Variants in CACNA2D3 observed in about 807,000 individuals in gnomAD.
The protein encoded by CACNA2D3 is calcium voltage-gated channel auxiliary subunit alpha2delta 3.
Under a neutral mutation model 160.6 loss-of-function variants are expected in CACNA2D3, and 60 were observed. The observed-to-expected ratio is 0.37, with a 90% confidence interval of 0.30 to 0.46. The LOEUF is 0.46. Ranked by LOEUF, CACNA2D3 falls within the 20% of genes least tolerant of loss-of-function variation. CACNA2D3 has a pLI of 1.00. For synonymous variants in CACNA2D3, 558 were observed against 492.9 expected, an observed-to-expected ratio of 1.13 and a Z score of -1.75; for missense variants, 1,205 against 1,365.0, an observed-to-expected ratio of 0.88 and a Z score of 1.85.
At chr3:54,744,426 G>T (rs1414035395) in intron 11 of CACNA2D3, among the ~76,000 whole-genome samples, 2 of 152,228 alleles carry the variant, frequency 1.3e-5, no homozygotes, top group Non-Finnish European at 1.5e-5. Context: ...ATCTGAAATT[G>T]TGAGTGTATA....
At chr3:54,829,226 C>T (rs897035938) in intron 14 of CACNA2D3, among the ~76,000 whole-genome samples, 22 of 152,200 alleles carry the variant, frequency 1.4e-4, no homozygotes, top group African/African-American at 4.8e-4. Flanking sequence ...TGTGTTCTTC[C>T]TCCAAAAGGT....
At chr3:54,715,651 C>T (rs1052277117) in intron 11 of CACNA2D3, among the ~76,000 whole-genome samples, 1 of 152,080 alleles carries the variant, frequency 6.6e-6, no homozygotes, top group Non-Finnish European at 1.5e-5. Flanking sequence ...ATACAAAAGA[C>T]ACTCCTATCA....
chr3:54,124,380 T>A (rs1167695480), intron 2 of CACNA2D3, among the ~76,000 whole-genome samples: 1 of 152,144 alleles, frequency 6.6e-6, no homozygotes, highest in Non-Finnish European at 1.5e-5. Flanking sequence ...AAAATGGGTC[T>A]GGGAGGAGAG....
chr3:54,946,574 G>A (rs1701619735), intron 27 of CACNA2D3, among the ~76,000 whole-genome samples: 1 of 152,158 alleles, frequency 6.6e-6, no homozygotes, highest in African/African-American at 2.4e-5. Context: ...ACTTAACGAA[G>A]AAGAGCAGGT....
chr3:54,256,164 GA>G (rs1254259188), intron 2 of CACNA2D3, among the ~76,000 whole-genome samples: 4 of 152,122 alleles, frequency 2.6e-5, no homozygotes. Context: ...TTTTCTGGGG[GA>G]CCTGAAATCT....
intron 11 of CACNA2D3, among the ~76,000 whole-genome samples, chr3:54,651,007 C>T (rs1273059632): frequency 6.6e-6 from 1 of 152,158 alleles, no homozygotes; most frequent in Non-Finnish European, 1.5e-5. Context: ...AGGCTACATT[C>T]AGGATTCCCT....
chr3:54,733,864 T>C (rs1701442150), intron 11 of CACNA2D3, among the ~76,000 whole-genome samples: 1 of 152,164 alleles, frequency 6.6e-6, no homozygotes, highest in African/African-American at 2.4e-5. Context: ...GTCGATTTAA[T>C]TTCATCAGTG....
At chr3:54,363,218 C>CAACA (rs2107543027) in intron 3 of CACNA2D3, among the ~76,000 whole-genome samples, 1 of 151,132 alleles carries the variant, frequency 6.6e-6, no homozygotes, top group East Asian at 2.0e-4. Flanking sequence ...TGAGAATGTG[C>CAACA]AACATCAATC....
At chr3:54,457,203 A>ACAATAAAT (rs1224609927) in intron 4 of CACNA2D3, among the ~76,000 whole-genome samples, 1 of 151,790 alleles carries the variant, frequency 6.6e-6, no homozygotes, top group Non-Finnish European at 1.5e-5. Context: ...TATTGTTATA[A>ACAATAAAT]ACTTCCCTCT....
At chr3:54,346,470 G>C (rs924851079) in intron 3 of CACNA2D3, among the ~76,000 whole-genome samples, 1 of 152,172 alleles carries the variant, frequency 6.6e-6, no homozygotes, top group Non-Finnish European at 1.5e-5. Flanking sequence ...CTGTGAATTT[G>C]TTTGACATGG....
At chr3:54,824,493 C>G (rs1331534124) in intron 14 of CACNA2D3, among the ~76,000 whole-genome samples, 1 of 152,160 alleles carries the variant, frequency 6.6e-6, no homozygotes, top group Non-Finnish European at 1.5e-5. Flanking sequence ...TGTGTAACCT[C>G]TGGTATTGCA....
chr3:54,584,183 G>A (rs1034390960), intron 9 of CACNA2D3, among the ~76,000 whole-genome samples: 1 of 151,912 alleles, frequency 6.6e-6, no homozygotes, highest in Non-Finnish European at 1.5e-5. Context: ...AAAATGCCAC[G>A]AACTGGGAAA....
At chr3:54,328,973 TG>T (rs1704182810) in intron 3 of CACNA2D3, among the ~76,000 whole-genome samples, 1 of 152,118 alleles carries the variant, frequency 6.6e-6, no homozygotes, top group African/African-American at 2.4e-5. Flanking sequence ...TCCCCACTAC[TG>T]TGGGAGAAAG....
intron 2 of CACNA2D3, among the ~76,000 whole-genome samples, chr3:54,295,801 C>T (rs370792990): frequency 5.3e-5 from 8 of 152,108 alleles, no homozygotes; most frequent in African/African-American, 1.7e-4. Flanking sequence ...GTGAGGGATC[C>T]GTAGCTTTCT....
rs79668344 is a variant in CACNA2D3, at chr3:54,618,854, G to T, written c.964-8933G>T. On this transcript the variant is annotated intron_variant, in intron 9 of 37. Coordinates refer to ENST00000474759, the MANE Select transcript of CACNA2D3 (RefSeq NM_018398.3). ...CCCCCTGGGTGTTGGCTATCAATAC[G>T]TACCTCTTCTGAGCTGAGGCATCCT... 1.4e-3 allele frequency among the ~76,000 whole-genome samples: 209 copies of T among 152,262 alleles called. 6 individuals carry two copies. The East Asian group carries it at 0.033, about 24-fold the overall frequency.
At chr3:54,657,085 G>T (rs187393110) in intron 11 of CACNA2D3, among the ~76,000 whole-genome samples, 184 of 151,500 alleles carry the variant, frequency 1.2e-3, no homozygotes, top group African/African-American at 4.2e-3. Flanking sequence ...GGGCAGGAGT[G>T]GGGGGTCACA....
chr3:54,218,534 A>G (rs1303242014), intron 2 of CACNA2D3, among the ~76,000 whole-genome samples: 1 of 152,074 alleles, frequency 6.6e-6, no homozygotes, highest in African/African-American at 2.4e-5. Context: ...TACAGTTTTT[A>G]TTTCTCCTAG....
intron 27 of CACNA2D3, among the ~76,000 whole-genome samples, 159 bp from the exon 28 acceptor site, chr3:54,968,291 T>C (rs562602276): frequency 6.6e-6 from 1 of 152,356 alleles, no homozygotes; most frequent in African/African-American, 2.4e-5. Flanking sequence ...GAGAATTCTT[T>C]ACCTGAAAGA....
At chr3:54,503,999 C>T (rs1199315106) in intron 5 of CACNA2D3, among the ~76,000 whole-genome samples, 1 of 152,194 alleles carries the variant, frequency 6.6e-6, no homozygotes, top group Non-Finnish European at 1.5e-5. Flanking sequence ...GGCACAAAAG[C>T]AGCCAAATGG....
Sources: allele counts gnomAD v4.1 joint callset (sites outside exome capture counted in the v4.1 genomes callset), GRCh38; gene constraint gnomAD v4.1.1; transcripts MANE v1.5; gene names NCBI Gene and HGNC (gene_info 2026-07-23, HGNC 2026-07-21).